Variants in PDE3B observed in about 807,000 individuals in gnomAD.
The protein encoded by PDE3B is cGMP-inhibited 3',5'-cyclic phosphodiesterase 3B.
In PDE3B, 66 loss-of-function variants were observed where a neutral mutation model predicts 116.8. The ratio of observed to expected loss-of-function variants is 0.56; its 90% CI spans 0.46 to 0.69. The LOEUF is 0.69. Among genes scored for constraint, PDE3B ranks in the 30% least tolerant of loss-of-function variants. The probability of loss-of-function intolerance (pLI) is 0.00; values close to 1 mark genes in which losing one functional copy is unlikely to be tolerated. For synonymous variants in PDE3B, 595 were observed against 533.6 expected, an observed-to-expected ratio of 1.12 and a Z score of -1.59; for missense variants, 1,384 against 1,368.1, an observed-to-expected ratio of 1.01 and a Z score of -0.18.
At chr11:14,763,498 T>G (rs543496317) in intron 1 of PDE3B, among the ~76,000 whole-genome samples, 2 of 151,190 alleles carry the variant, frequency 1.3e-5, no homozygotes, top group South Asian at 4.2e-4. Context: ...GATAAAGGGG[T>G]GTGTGTGTGT....
At chr11:14,762,775 A>G (rs1269231649) in intron 1 of PDE3B, among the ~76,000 whole-genome samples, 2 of 152,216 alleles carry the variant, frequency 1.3e-5, no homozygotes, top group African/African-American at 4.8e-5. Context: ...TATTCTGTAC[A>G]TATTATGAAA....
intron 1 of PDE3B, among the ~76,000 whole-genome samples, chr11:14,652,035 A>G (rs1853587022): frequency 6.6e-6 from 1 of 152,184 alleles, no homozygotes; most frequent in African/African-American, 2.4e-5. Context: ...ATCACTGCAA[A>G]TTCAATGTAA....
chr11:14,885,086 G>A, the PDE3B span, among the ~76,000 whole-genome samples: 1 of 152,234 alleles, frequency 6.6e-6, no homozygotes, highest in South Asian at 2.1e-4. Context: ...ATGTAAGCAA[G>A]ATATTGTTAA....
At chr11:14,880,955 ACTC>A in the PDE3B span, among the ~76,000 whole-genome samples, 1 of 151,894 alleles carries the variant, frequency 6.6e-6, no homozygotes, top group Non-Finnish European at 1.5e-5. Context: ...AAGTTTTTCT[ACTC>A]CTTATCTGTG....
At chr11:14,819,066 T>A in intron 6 of PDE3B, 70 bp from the exon 7 acceptor site, 1 of 893,468 alleles carries the variant, frequency 1.1e-6, no homozygotes. Flanking sequence ...TAAACAGATT[T>A]TCTAATTGTG....
chr11:14,812,796 A>C (rs1186416814), intron 5 of PDE3B, among the ~76,000 whole-genome samples: 1 of 152,200 alleles, frequency 6.6e-6, no homozygotes, highest in Non-Finnish European at 1.5e-5. Context: ...AGTTTTCTAT[A>C]GCTGCTTGCT....
intron 1 of PDE3B, among the ~76,000 whole-genome samples, chr11:14,649,648 A>T (rs1334245894): frequency 2.0e-5 from 3 of 152,126 alleles, no homozygotes; most frequent in African/African-American, 7.2e-5. Context: ...GTTAAGAGGG[A>T]CTCTTGAAAA....
At chr11:14,655,735 A>G (rs964533413) in intron 1 of PDE3B, among the ~76,000 whole-genome samples, 3 of 152,194 alleles carry the variant, frequency 2.0e-5, no homozygotes, top group African/African-American at 2.4e-5. Context: ...GACATATTAT[A>G]TAAGACTTGA....
chr11:14,723,140 C>G (rs1397627517), intron 1 of PDE3B, among the ~76,000 whole-genome samples: 1 of 152,178 alleles, frequency 6.6e-6, no homozygotes, highest in Non-Finnish European at 1.5e-5. Flanking sequence ...ATGTTATGGA[C>G]ATTGTATCAT....
At chr11:14,860,901 A>AC (rs1847935786) in intron 13 of PDE3B, among the ~76,000 whole-genome samples, 2 of 130,818 alleles carry the variant, frequency 1.5e-5, no homozygotes, top group African/African-American at 5.3e-5. Context: ...TATACTTAAT[A>AC]AATACATATA....
intron 1 of PDE3B, among the ~76,000 whole-genome samples, chr11:14,731,790 G>A (rs987825048): frequency 6.6e-5 from 10 of 152,108 alleles, no homozygotes; most frequent in African/African-American, 1.4e-4. Context: ...CTTACTGAGC[G>A]CCTAGTGTGT....
chr11:14,747,371 C>G (rs1856938130), intron 1 of PDE3B, among the ~76,000 whole-genome samples: 1 of 152,084 alleles, frequency 6.6e-6, no homozygotes, highest in African/African-American at 2.4e-5. Flanking sequence ...CTTTGATTTG[C>G]CACTTTTGAC....
intron 13 of PDE3B, among the ~76,000 whole-genome samples, chr11:14,860,719 C>A (rs1049379609): frequency 6.6e-6 from 1 of 152,120 alleles, no homozygotes; most frequent in Non-Finnish European, 1.5e-5. Context: ...TCATGACATT[C>A]TGAGTCAGGA....
At chr11:14,694,430 C>T (rs2133810003) in intron 1 of PDE3B, among the ~76,000 whole-genome samples, 1 of 152,288 alleles carries the variant, frequency 6.6e-6, no homozygotes, top group East Asian at 1.9e-4. Flanking sequence ...GGCCACCCTG[C>T]CTTCAGCAAC....
chr11:14,739,793 T>C (rs757123217), intron 1 of PDE3B, among the ~76,000 whole-genome samples: 19 of 152,172 alleles, frequency 1.2e-4, no homozygotes, highest in Non-Finnish European at 1.3e-4. Flanking sequence ...ACCTAGCTCA[T>C]TGAGAGTTTT....
At chr11:14,685,619 C>G (rs942134738) in intron 1 of PDE3B, among the ~76,000 whole-genome samples, 1 of 151,712 alleles carries the variant, frequency 6.6e-6, no homozygotes, top group Non-Finnish European at 1.5e-5. Flanking sequence ...CCATGCCTGG[C>G]TAATTTTTGT....
In PDE3B at chr11:14,811,617, G is replaced by A. The variant is rs1181949703; in HGVS notation, c.1523-6566G>A. Among the ~76,000 whole-genome samples, 6 of 152,174 alleles carry A rather than the reference G, an allele frequency of 3.9e-5. No homozygotes were observed. In the East Asian group the frequency reaches 7.7e-4, roughly 20 times the overall value. Reference sequence around the variant, plus strand: ...TCTTTTGGCTTAGGATTGGCTTGGCGATGTGGGCTCTTTTTTGGTTCCATA... The same window carrying A: ...TCTTTTGGCTTAGGATTGGCTTGGCAATGTGGGCTCTTTTTTGGTTCCATA... On this transcript the variant is annotated intron_variant, in intron 5 of 15. Transcript: ENST00000282096.
intron 1 of PDE3B, among the ~76,000 whole-genome samples, chr11:14,749,899 C>CATATATATATATATATAT (rs66919202): frequency 0.024 from 1,881 of 77,544 alleles, 223 homozygotes; most frequent in East Asian, 0.078. Context: ...AAATATATCC[C>CATATATATATATATATAT]ATATATATAT....
At chr11:14,647,041 C>A (rs938508808) in intron 1 of PDE3B, among the ~76,000 whole-genome samples, 1 of 151,988 alleles carries the variant, frequency 6.6e-6, no homozygotes, top group Admixed American at 6.6e-5. Context: ...CAGATACTAT[C>A]ATAACAAGAA....
Sources: gnomAD v4.1 joint callset for allele counts (sites outside exome capture counted in the v4.1 genomes callset) on GRCh38, gnomAD v4.1.1 for gene constraint, MANE v1.5 for transcripts, NCBI Gene and HGNC (gene_info 2026-07-23, HGNC 2026-07-21) for gene names.